The following FER variants were observed in gnomAD, a reference collection of about 807,000 sequenced individuals.
The protein encoded by FER is FER tyrosine kinase.
A neutral mutation model predicts 111.0 loss-of-function variants in FER; 63 were observed. The observed-to-expected ratio is 0.57, with a 90% CI of 0.46 to 0.70. The LOEUF is 0.70. Among genes scored for constraint, FER ranks in the 30% least tolerant of loss-of-function variants. The pLI, the probability that FER is intolerant of heterozygous loss-of-function variation, is 0.00. For synonymous variants in FER, 327 were observed against 313.9 expected (o/e 1.04, Z -0.44); for missense variants, 914 against 954.0 (o/e 0.96, Z 0.55).
At chr5:109,067,227 TTTGTTGTTGTTGTTG>T (rs111663056) in intron 16 of FER, among the ~76,000 whole-genome samples, 4 of 150,008 alleles carry the variant, frequency 2.7e-5, no homozygotes, top group Admixed American at 1.3e-4. Flanking sequence ...GAGTGACTGG[TTTGTTGTTGTTGTTG>T]TTGTTGTTGT....
At chr5:109,100,582 A>C in intron 17 of FER, 63 bp downstream of exon 17, 2 of 1,470,468 alleles carry the variant, frequency 1.4e-6, no homozygotes, top group South Asian at 2.5e-5. Flanking sequence ...AAACTGATGT[A>C]TTTGCTACAA....
intron 13 of FER, among the ~76,000 whole-genome samples, chr5:108,992,618 G>A (rs2149751898): frequency 6.7e-6 from 1 of 148,682 alleles, no homozygotes; most frequent in African/African-American, 2.4e-5. Flanking sequence ...GGGGCGGCTG[G>A]CCGGGCGGGG....
chr5:108,873,220 C>G (rs980771028), intron 8 of FER, among the ~76,000 whole-genome samples: 2 of 152,128 alleles, frequency 1.3e-5, no homozygotes, highest in Non-Finnish European at 2.9e-5. Context: ...TCTCGGCTCA[C>G]TGCAACCTCT....
At chr5:109,073,324 A>G (rs531985573) in intron 16 of FER, among the ~76,000 whole-genome samples, 120 of 152,278 alleles carry the variant, frequency 7.9e-4, no homozygotes, top group African/African-American at 2.7e-3. Context: ...TCAGCTTTCA[A>G]CAAGACTCAA....
At chr5:109,030,940 AG>A (rs1769508547) in intron 13 of FER, among the ~76,000 whole-genome samples, 1 of 152,112 alleles carries the variant, frequency 6.6e-6, no homozygotes. Flanking sequence ...AGAAACAAAG[AG>A]GCCTCTTAGG....
rs1428725655 is a variant in FER, at chr5:109,042,814, A to G, written c.1714-1866A>G. On this transcript the variant is annotated intron_variant, in intron 14 of 19. Transcript: ENST00000281092. ...GGGAAAAATGTAGAAAAGGCATGACACGTATTTAGGGATCACTATGTATTT... is the reference window on the plus strand; with the variant it reads ...GGGAAAAATGTAGAAAAGGCATGACGCGTATTTAGGGATCACTATGTATTT... 3.3e-5 allele frequency among the ~76,000 whole-genome samples: 5 copies of G among 152,174 alleles called. No individual in the cohort carries two copies. The East Asian group carries it at 9.6e-4, about 29-fold the overall frequency.
chr5:108,805,845 C>A (rs1166849592), intron 3 of FER, among the ~76,000 whole-genome samples: 1 of 152,092 alleles, frequency 6.6e-6, no homozygotes, highest in Non-Finnish European at 1.5e-5. Context: ...GGAAGCAGAG[C>A]ATAAAAGTTT....
chr5:108,999,580 A>G (rs192405024), intron 13 of FER, among the ~76,000 whole-genome samples: 302 of 152,238 alleles, frequency 2.0e-3, no homozygotes, highest in Middle Eastern at 6.8e-3. Context: ...ACCAAGAAGA[A>G]AGGGTCTGCA....
rs1772822116 is a variant in FER, at chr5:109,051,525, A to G, written c.1924+4327A>G. ...CCATTCGATTTTGTTCTGCACTGTAATTAGCCCAGTTTTGCTCACTTGCTT... is the reference window on the plus strand; with the variant it reads ...CCATTCGATTTTGTTCTGCACTGTAGTTAGCCCAGTTTTGCTCACTTGCTT... On this transcript the variant is annotated intron_variant, in intron 16 of 19. Coordinates refer to ENST00000281092, the MANE Select transcript of FER (RefSeq NM_005246.4). 7 of 1,597,732 alleles carry G rather than the reference A, an allele frequency of 4.4e-6. No individual in the cohort carries two copies. In the Admixed American group the frequency reaches 8.4e-5, roughly 19 times the overall value.
At chr5:109,112,708 TA>T (rs1341360442) in intron 17 of FER, among the ~76,000 whole-genome samples, 1 of 152,172 alleles carries the variant, frequency 6.6e-6, no homozygotes, top group African/African-American at 2.4e-5. Flanking sequence ...AGAGGGGAAT[TA>T]GCTTTTTTCC....
chr5:108,792,116 G>A (rs1755445477), intron 2 of FER, among the ~76,000 whole-genome samples: 1 of 152,168 alleles, frequency 6.6e-6, no homozygotes, highest in Admixed American at 6.5e-5. Flanking sequence ...CAGAAAGTGT[G>A]AATCTTCCAA....
At chr5:108,854,056 T>TTGATAA (rs1246578442) in intron 5 of FER, among the ~76,000 whole-genome samples, 1 of 152,220 alleles carries the variant, frequency 6.6e-6, no homozygotes, top group African/African-American at 2.4e-5. Context: ...TTATTCATGG[T>TTGATAA]AGTTTGATAA....
At chr5:109,002,960 A>G (rs1300929086) in intron 13 of FER, among the ~76,000 whole-genome samples, 1 of 152,178 alleles carries the variant, frequency 6.6e-6, no homozygotes, top group Admixed American at 6.5e-5. Flanking sequence ...AAAAGTCAGG[A>G]AACAACAGGT....
intron 16 of FER, among the ~76,000 whole-genome samples, chr5:109,060,605 AC>A (rs1206924625): frequency 1.3e-5 from 2 of 151,516 alleles, no homozygotes; most frequent in Non-Finnish European, 2.9e-5. Context: ...AATTGCTTGA[AC>A]CCGGGAGGCG....
chr5:108,987,085 A>C (rs1015107587), intron 13 of FER, among the ~76,000 whole-genome samples: 1 of 151,984 alleles, frequency 6.6e-6, no homozygotes, highest in Non-Finnish European at 1.5e-5. Context: ...TAAGCTTGAG[A>C]TGTGTTTCCA....
chr5:109,142,307 T>G (rs1165381224), intron 17 of FER, among the ~76,000 whole-genome samples: 1 of 152,190 alleles, frequency 6.6e-6, no homozygotes, highest in African/African-American at 2.4e-5. Context: ...TCCACTTCCT[T>G]TGCTTAATTC....
chr5:108,813,140 A>C (rs966289076), intron 3 of FER, among the ~76,000 whole-genome samples: 10 of 152,078 alleles, frequency 6.6e-5, no homozygotes, highest in African/African-American at 2.4e-4. Flanking sequence ...AAAGCGTAAA[A>C]ATATCTTTAT....
intron 3 of FER, among the ~76,000 whole-genome samples, chr5:108,801,287 C>T (rs1397166240): frequency 6.6e-6 from 1 of 152,168 alleles, no homozygotes; most frequent in Non-Finnish European, 1.5e-5. Context: ...GCCTTTGCAT[C>T]TTTGTTTAAA....
At chr5:109,105,809 T>G (rs1748846503) in intron 17 of FER, among the ~76,000 whole-genome samples, 1 of 152,234 alleles carries the variant, frequency 6.6e-6, no homozygotes, top group African/African-American at 2.4e-5. Context: ...TTCTAAGTGC[T>G]TTAGATGCAA....
Sources: allele counts gnomAD v4.1 joint callset (sites outside exome capture counted in the v4.1 genomes callset), GRCh38; gene constraint gnomAD v4.1.1; transcripts MANE v1.5; gene names NCBI Gene and HGNC (gene_info 2026-07-23, HGNC 2026-07-21).